PNLIPRP1: variants seen among roughly 807,000 people sequenced by gnomAD.
The protein encoded by PNLIPRP1 is pancreatic lipase related protein 1.
PNLIPRP1 carries 57 observed loss-of-function variants against 54.6 expected under a neutral mutation model. The ratio of observed to expected loss-of-function variants is 1.04; its 90% CI spans 0.84 to 1.30. PNLIPRP1 has a LOEUF of 1.30. PNLIPRP1 is among the 50% of genes most tolerant of loss of function. PNLIPRP1 has a pLI of 0.00. For synonymous variants in PNLIPRP1, 232 were observed against 208.8 expected (o/e 1.11, Z -0.96); for missense variants, 567 against 568.5 (o/e 1.00, Z 0.03).
intron 10 of PNLIPRP1, 42 bp downstream of exon 10, chr10:116,601,243 A>G: frequency 6.4e-7 from 1 of 1,573,556 alleles, no homozygotes; most frequent in East Asian, 2.3e-5. Context: ...AAGAAAGTAT[A>G]TAGTTTCTGT....
intron 5 of PNLIPRP1, chr10:116,595,208 C>T (rs1847714327): frequency 7.2e-6 from 2 of 278,096 alleles, no homozygotes; most frequent in South Asian, 8.8e-5. Flanking sequence ...ACCCACAACA[C>T]CAGGTGGGCT....
intron 5 of PNLIPRP1, chr10:116,595,988 G>C (rs555527438): frequency 4.2e-6 from 2 of 480,306 alleles, no homozygotes; most frequent in East Asian, 7.3e-5. Flanking sequence ...GAGAGGCTAT[G>C]ATGTATTCGA....
Position 116,598,181 on chromosome 10 carries a change from G to A in PNLIPRP1, c.814+15G>A, listed in dbSNP as rs376355214. ...CATCTGGGCGGGTAAAGTCATGGTG[G>A]GGTGAGGGGAGCAGGGCGGGTACTT... On this transcript the variant is annotated intron_variant, in intron 8 of 12. Coordinates refer to ENST00000358834, the MANE Select transcript of PNLIPRP1 (RefSeq NM_006229.4). 1.2e-6 allele frequency: 2 copies of A among 1,610,674 alleles called. No homozygotes were observed. The highest frequency in any genetic ancestry group is 1.3e-5 in the African/African-American group (1 of 74,998).
chr10:116,596,283 G>C lies in PNLIPRP1; in HGVS notation c.535G>C (p.Glu179Gln). 1 of 1,613,992 alleles carries C rather than the reference G, an allele frequency of 6.2e-7. No individual in the cohort carries two copies. Reference protein sequence around the residue: ...GHSLGAHVAGEAGSKTPGLSR... With the variant: ...GHSLGAHVAGQAGSKTPGLSR... ...CAGCCTGGGAGCCCACGTGGCTGGA[G>C]AGGCAGGAAGCAAGACTCCAGGCCT... Residue 179 changes from glutamate (E) to glutamine (Q), a missense_variant, in exon 6 of 13, where the codon GAG becomes CAG. By Grantham distance (29) the Glu-to-Gln change is conservative. Coordinates refer to ENST00000358834, the MANE Select transcript of PNLIPRP1 (RefSeq NM_006229.4).
chr10:116,600,374 G>A (rs1847813368), intron 9 of PNLIPRP1: 1 of 454,004 alleles, frequency 2.2e-6, no homozygotes, highest in African/African-American at 2.0e-5. Flanking sequence ...TGTGGCAGAG[G>A]AAAACTGGGA....
intron 4 of PNLIPRP1, 59 bp downstream of exon 4, chr10:116,592,600 T>G: frequency 6.3e-7 from 1 of 1,599,656 alleles, no homozygotes; most frequent in Non-Finnish European, 8.6e-7. Context: ...CTAACATCTC[T>G]GCATCACTTT....
rs1564740993 is a variant in PNLIPRP1, at chr10:116,605,551, AGTGTATGTAT to A, written c.1339_1340+8del. The A allele has an allele frequency of 2.5e-6, 4 of 1,576,054 alleles. No homozygotes were observed. The highest frequency in any genetic ancestry group is 3.5e-6 in the Non-Finnish European group (4 of 1,155,094). On this transcript the variant is annotated splice_donor_variant and splice_donor_5th_base_variant and coding_sequence_variant and intron_variant, in exon 12 of 13. Coordinates refer to ENST00000358834, the MANE Select transcript of PNLIPRP1 (RefSeq NM_006229.4). LOFTEE classifies it high-confidence loss of function. ...CTGTGCAAAAGGGAGAAGAGAAGAC[AGTGTATGTAT>A]CTTTGCTGGCTGGTGCCTAAAAATG... is the stretch of plus-strand genomic sequence containing the variant.
At chr10:116,608,811 G>C (rs999840563) in intron 12 of PNLIPRP1, among the ~76,000 whole-genome samples, 1 of 152,206 alleles carries the variant, frequency 6.6e-6, no homozygotes, top group African/African-American at 2.4e-5. Context: ...CCACCGTCCT[G>C]TGTGACACTC....
At position 116,597,891 on chromosome 10, in the gene PNLIPRP1, A is replaced by T; in HGVS notation, c.638A>T (p.Asp213Val). 6.2e-7 allele frequency: 1 copy of T among 1,614,228 alleles called. No individual in the cohort carries two copies. The highest frequency in any genetic ancestry group is 8.5e-7 in the Non-Finnish European group (1 of 1,180,038). The stretch of plus-strand genomic sequence containing the variant: ...GAAGAGGTGCGACTTGATCCCTCTG[A>T]TGCTGACTTTGTTGATGTGATTCAC... ...TPEEVRLDPS[D>V]ADFVDVIHTD... The change falls in exon 7 of 13, where the codon GAT becomes GTT. Residue 213 changes from aspartate to valine, a missense_variant. Asp to Val is a radical substitution (Grantham distance 152, BLOSUM62 -3). Transcript: ENST00000358834.
chr10:116,596,772 G>A (rs1355548642), intron 6 of PNLIPRP1, among the ~76,000 whole-genome samples: 3 of 151,962 alleles, frequency 2.0e-5, no homozygotes, highest in Non-Finnish European at 4.4e-5. Context: ...AAACCCAGTC[G>A]CCATTATGGC....
rs1554863247 is a variant in PNLIPRP1, at chr10:116,591,919, C to G, written c.198C>G (p.Asn66Lys). ...TGTACACCAATGAAAACCCAAACAA[C>G]TTTCAAGTGAGACCTCTGTCATTTA... The part of the protein sequence containing the change: ...FLLYTNENPN[N>K]FQILLLSDPS... Residue 66 changes from asparagine (N) to lysine (K), a missense_variant, in exon 3 of 13, where the codon AAC (asparagine) becomes AAG (lysine). Asn to Lys is a moderately conservative substitution (Grantham distance 94). Transcript: ENST00000358834. 1 of 1,614,050 alleles carries G rather than the reference C, an allele frequency of 6.2e-7. No individual in the cohort carries two copies. Among genetic ancestry groups the G allele is most frequent in the African/African-American group, 1.3e-5 (1 of 74,938 alleles).
intron 11 of PNLIPRP1, among the ~76,000 whole-genome samples, chr10:116,604,588 AC>A (rs1435725780): frequency 6.6e-6 from 1 of 151,990 alleles, no homozygotes; most frequent in Non-Finnish European, 1.5e-5. Context: ...GCAACGCAGG[AC>A]TATATAACTT....
At chr10:116,602,113 T>C (rs1030470383) in intron 10 of PNLIPRP1, among the ~76,000 whole-genome samples, 1 of 152,064 alleles carries the variant, frequency 6.6e-6, no homozygotes, top group Non-Finnish European at 1.5e-5. Flanking sequence ...CCTCCCGGGT[T>C]CACGCCATTC....
At chr10:116,598,970 A>G (rs559272162) in intron 8 of PNLIPRP1, among the ~76,000 whole-genome samples, 48 of 152,284 alleles carry the variant, frequency 3.2e-4, no homozygotes, top group African/African-American at 1.1e-3. Context: ...AAGAATGAGG[A>G]CAGGCCAGCT....
chr10:116,602,038 C>T (rs12765188), intron 10 of PNLIPRP1, among the ~76,000 whole-genome samples: 27,868 of 140,610 alleles, frequency 0.2, 2,812 homozygotes, highest in Admixed American at 0.22. Flanking sequence ...TTTTTTGAGA[C>T]GGAGTCTCGC....
chr10:116,608,645 T>C (rs980014575), intron 12 of PNLIPRP1, among the ~76,000 whole-genome samples: 1 of 152,258 alleles, frequency 6.6e-6, no homozygotes, highest in African/African-American at 2.4e-5. Context: ...AGCAGCATAA[T>C]TGGCTGCAGA....
intron 8 of PNLIPRP1, 121 bp from the exon 9 acceptor site, chr10:116,599,926 A>G (rs1197505929): frequency 1.7e-5 from 12 of 702,578 alleles, no homozygotes; most frequent in Non-Finnish European, 3.1e-5. Context: ...TGAATTTTGG[A>G]TTTATCTTAA....
chr10:116,602,545 C>T (rs1847865236), intron 10 of PNLIPRP1, among the ~76,000 whole-genome samples: 1 of 152,204 alleles, frequency 6.6e-6, no homozygotes, highest in Non-Finnish European at 1.5e-5. Flanking sequence ...CAGCCAAAGA[C>T]AGAAACTGGG....
intron 3 of PNLIPRP1, 32 bp from the exon 4 acceptor site, chr10:116,592,384 G>A (rs368674917): frequency 1.8e-4 from 283 of 1,562,302 alleles, no homozygotes; most frequent in Non-Finnish European, 2.2e-4. Flanking sequence ...GCTGGGCTGC[G>A]AAAACATGAA....
Sources: allele counts gnomAD v4.1 joint callset (sites outside exome capture counted in the v4.1 genomes callset), GRCh38; gene constraint gnomAD v4.1.1; transcripts MANE v1.5; gene names NCBI Gene and HGNC (gene_info 2026-07-23, HGNC 2026-07-21).